PCLO: variants seen among roughly 807,000 people sequenced by gnomAD.
PCLO encodes piccolo presynaptic cytomatrix protein.
In PCLO, 82 loss-of-function variants were observed where a neutral mutation model predicts 427.5. That is an observed-to-expected ratio of 0.19 (90% CI 0.16 to 0.23). PCLO has a LOEUF of 0.23. PCLO is among the 10% of genes least tolerant of loss of function. PCLO has a pLI of 1.00. For synonymous variants in PCLO, 2,357 were observed against 2,155.4 expected (o/e 1.09, Z -2.59); for missense variants, 6,239 against 6,115.9 (o/e 1.02, Z -0.67).
intron 3 of PCLO, among the ~76,000 whole-genome samples, chr7:83,005,826 T>C (rs1270287972): frequency 6.6e-6 from 1 of 151,636 alleles, no homozygotes; most frequent in African/African-American, 2.4e-5. Flanking sequence ...TCAAATTACC[T>C]AGCCAAATTA....
At chr7:82,925,725 T>C (rs949394057) in intron 6 of PCLO, among the ~76,000 whole-genome samples, 2 of 142,566 alleles carry the variant, frequency 1.4e-5, no homozygotes, top group Non-Finnish European at 3.1e-5. Flanking sequence ...TTTTTTTTTT[T>C]TTTTTTTTTT....
At chr7:82,926,750 ATTTTCTGG>A (rs1794722058) in intron 6 of PCLO, among the ~76,000 whole-genome samples, 1 of 152,106 alleles carries the variant, frequency 6.6e-6, no homozygotes, top group Non-Finnish European at 1.5e-5. Flanking sequence ...ATTGCATTAT[ATTTTCTGG>A]AAAGTCCCAA....
chr7:83,007,430 A>AAAT (rs1787973789), intron 3 of PCLO, among the ~76,000 whole-genome samples: 1 of 151,402 alleles, frequency 6.6e-6, no homozygotes, highest in Non-Finnish European at 1.5e-5. Context: ...TAAAATCATA[A>AAAT]CTAGACAAAT....
chr7:82,889,473 T>C (rs567177507), intron 9 of PCLO, among the ~76,000 whole-genome samples: 3 of 152,328 alleles, frequency 2.0e-5, no homozygotes, highest in African/African-American at 7.2e-5. Flanking sequence ...GAAAATTATA[T>C]GATTTAAAAT....
At chr7:82,772,243 A>T (rs1343120763) in intron 22 of PCLO, among the ~76,000 whole-genome samples, 1 of 152,154 alleles carries the variant, frequency 6.6e-6, no homozygotes, top group Non-Finnish European at 1.5e-5. Context: ...TCAAAAACCC[A>T]TGCTTGTCCC....
intron 22 of PCLO, among the ~76,000 whole-genome samples, chr7:82,765,918 G>T (rs185322368): frequency 6.6e-6 from 1 of 151,904 alleles, no homozygotes; most frequent in Non-Finnish European, 1.5e-5. Flanking sequence ...TAAAATGTAG[G>T]AAAGTGGTAA....
chr7:82,905,725 A>G (rs1794173668), intron 8 of PCLO, among the ~76,000 whole-genome samples: 1 of 151,950 alleles, frequency 6.6e-6, no homozygotes, highest in Non-Finnish European at 1.5e-5. Context: ...GAACATTCAA[A>G]TTCCTAGAAT....
rs768066248 is a variant in PCLO at position 82,950,652 on chromosome 7, A to G, written c.9936T>C (p.Ile3312=). 6.2e-7 allele frequency: 1 copy of G among 1,613,694 alleles called. No homozygotes were observed. The highest frequency in any genetic ancestry group is 1.7e-5 in the Admixed American group (1 of 59,976). Residue 3312 remains isoleucine, a synonymous_variant, in exon 6 of 25, where the codon ATT becomes ATC. Coordinates refer to ENST00000333891, the MANE Select transcript of PCLO (RefSeq NM_033026.6). ...CATAGTTATACTGGTAGATCTGCCG[A>G]ATCTTTTGCTCCTCCAGCTGCTGGT... ...QLHQQLEEQK[I]RQIYQYNYDP...
At chr7:82,796,445 A>G (rs1791225429) in intron 22 of PCLO, among the ~76,000 whole-genome samples, 1 of 151,988 alleles carries the variant, frequency 6.6e-6, no homozygotes, top group Non-Finnish European at 1.5e-5. Flanking sequence ...TCCATCTGTG[A>G]TGTTCCTCAT....
intron 1 of PCLO, among the ~76,000 whole-genome samples, chr7:83,158,751 T>C (rs543512601): frequency 6.6e-6 from 1 of 151,908 alleles, no homozygotes; most frequent in Non-Finnish European, 1.5e-5. Flanking sequence ...AAGTTGTACT[T>C]TACTATAGAA....
chr7:83,033,655 TTC>T (rs1360944962), intron 3 of PCLO, among the ~76,000 whole-genome samples: 13 of 152,268 alleles, frequency 8.5e-5, no homozygotes, highest in Middle Eastern at 3.4e-3. Flanking sequence ...TTACTTTGTA[TTC>T]TCTTTCTTCC....
chr7:82,786,164 G>A (rs957058034), intron 22 of PCLO, among the ~76,000 whole-genome samples: 3 of 152,132 alleles, frequency 2.0e-5, no homozygotes, highest in African/African-American at 4.8e-5. Flanking sequence ...AGAGATTTAA[G>A]AAATCCTGAA....
At chr7:83,131,872 C>T (rs1247916664) in intron 3 of PCLO, among the ~76,000 whole-genome samples, 1 of 151,992 alleles carries the variant, frequency 6.6e-6, no homozygotes, top group Admixed American at 6.6e-5. Context: ...GACATTGTAC[C>T]ATGAATTACA....
In PCLO at chr7:82,774,758, C is replaced by T. The variant is rs558412797; in HGVS notation, c.15008-13265G>A. ...ACAATGACACATGATACATCAGTAT[C>T]GCCCAAAGTCCAACATATAAATTAA... On this transcript the variant is annotated intron_variant, in intron 22 of 24. Transcript: ENST00000333891. Among the ~76,000 whole-genome samples, 5 of 152,260 alleles carry T rather than the reference C, an allele frequency of 3.3e-5. No homozygotes were observed. The South Asian group carries it at 8.3e-4, about 25-fold the overall frequency.
rs149199657 is a variant in PCLO at position 82,853,407 on chromosome 7, C to T, written c.13655-6160G>A. On this transcript the variant is annotated intron_variant, in intron 10 of 24. Transcript: ENST00000333891. ...TTGTGAGTTTAAAATAACATAACAA[C>T]CTGAATAAGGGCATAAGAACAATTG... Among the ~76,000 whole-genome samples the T allele has an allele frequency of 9.9e-5, 15 of 152,074 alleles. No individual in the cohort carries two copies. In the East Asian group the frequency reaches 2.5e-3, roughly 26 times the overall value.
intron 22 of PCLO, among the ~76,000 whole-genome samples, chr7:82,782,072 A>T (rs1790884080): frequency 6.6e-6 from 1 of 152,242 alleles, no homozygotes; most frequent in Admixed American, 6.5e-5. Context: ...ACTTGAAGCC[A>T]GTCGGTCAGA....
chr7:83,114,038 C>G (rs763986196), intron 3 of PCLO, among the ~76,000 whole-genome samples: 1 of 152,078 alleles, frequency 6.6e-6, no homozygotes, highest in African/African-American at 2.4e-5. Flanking sequence ...AAAATCCTGA[C>G]AGCCAATACA....
rs1465756207 is a variant in PCLO at position 83,018,375 on chromosome 7, G to A, written c.3301-51888C>T. ...TATTAAGAGTACTTTTATCTTCAGG[G>A]AATCAGTTGTGATACATTTCCTGCT... On this transcript the variant is annotated intron_variant, in intron 3 of 24. Coordinates refer to ENST00000333891, the MANE Select transcript of PCLO (RefSeq NM_033026.6). Among the ~76,000 whole-genome samples, 4 of 152,002 alleles carry A rather than the reference G, an allele frequency of 2.6e-5. No individual in the cohort carries two copies. In the South Asian group the frequency reaches 8.3e-4, roughly 31 times the overall value.
chr7:82,883,256 G>A (rs1793551581), intron 9 of PCLO, among the ~76,000 whole-genome samples: 1 of 151,938 alleles, frequency 6.6e-6, no homozygotes, highest in Non-Finnish European at 1.5e-5. Flanking sequence ...TAATAGAAAA[G>A]TCCCCAAAGG....
Sources: gnomAD v4.1 joint callset for allele counts (sites outside exome capture counted in the v4.1 genomes callset) on GRCh38, gnomAD v4.1.1 for gene constraint, MANE v1.5 for transcripts, NCBI Gene and HGNC (gene_info 2026-07-23, HGNC 2026-07-21) for gene names.